The following DNAJC5 variants were observed in gnomAD, a reference collection of about 807,000 sequenced individuals.
DNAJC5 encodes the protein dnaJ homolog subfamily C member 5.
In DNAJC5, 1 loss-of-function variant was observed where a neutral mutation model predicts 23.2. The observed-to-expected ratio is 0.04, with a 90% CI of 0.02 to 0.20. The LOEUF is 0.20. Ranked by LOEUF, DNAJC5 falls within the 10% of genes least tolerant of loss-of-function variation. DNAJC5 has a pLI of 1.00. For missense variants in DNAJC5, 180 were observed against 267.0 expected, an observed-to-expected ratio of 0.67 and a Z score of 2.27; for synonymous variants, 136 against 120.0, an observed-to-expected ratio of 1.13 and a Z score of -0.87.
At chr20:63,909,295 C>G (rs952707346) in intron 1 of DNAJC5, among the ~76,000 whole-genome samples, 28 of 150,438 alleles carry the variant, frequency 1.9e-4, no homozygotes, top group Admixed American at 3.3e-4. Flanking sequence ...GTCAGGAGAT[C>G]GATACATCCT....
chr20:63,902,043 A>T (rs1276168741), intron 1 of DNAJC5, among the ~76,000 whole-genome samples: 1 of 152,088 alleles, frequency 6.6e-6, no homozygotes, highest in African/African-American at 2.4e-5. Flanking sequence ...TGTGTTCTTT[A>T]AAATAATAAT....
At chr20:63,921,355 G>T (rs910011066) in intron 1 of DNAJC5, among the ~76,000 whole-genome samples, 2 of 152,092 alleles carry the variant, frequency 1.3e-5, no homozygotes, top group Non-Finnish European at 2.9e-5. Context: ...ACTTTGGGAG[G>T]CCGAGGCTGG....
intron 1 of DNAJC5, among the ~76,000 whole-genome samples, chr20:63,915,282 C>T (rs1162795166): frequency 1.3e-5 from 2 of 152,136 alleles, no homozygotes; most frequent in Non-Finnish European, 2.9e-5. Flanking sequence ...TTGAGAGATT[C>T]AGAAAGCTGT....
chr20:63,911,619 A>G (rs909206146), intron 1 of DNAJC5, among the ~76,000 whole-genome samples: 8 of 151,754 alleles, frequency 5.3e-5, no homozygotes, highest in African/African-American at 1.5e-4. Flanking sequence ...TATTCTTAGA[A>G]TTAAGGAGGA....
chr20:63,921,862 T>A (rs1178526899), intron 1 of DNAJC5, among the ~76,000 whole-genome samples: 4 of 151,808 alleles, frequency 2.6e-5, no homozygotes, highest in Non-Finnish European at 5.9e-5. Flanking sequence ...CACTGCAACC[T>A]CCTCCTCCCG....
chr20:63,926,685 G>T (rs7272419), intron 1 of DNAJC5, among the ~76,000 whole-genome samples: 1 of 152,184 alleles, frequency 6.6e-6, no homozygotes, highest in Non-Finnish European at 1.5e-5. Flanking sequence ...GCTGGCAGGC[G>T]AGAAGGAAAA....
At chr20:63,897,029 G>A (rs1254075630) in intron 1 of DNAJC5, among the ~76,000 whole-genome samples, 1 of 152,186 alleles carries the variant, frequency 6.6e-6, no homozygotes, top group African/African-American at 2.4e-5. Context: ...GCTTGGAAGG[G>A]TGCATGGGAC....
chr20:63,906,229 G>A (rs2053447665), intron 1 of DNAJC5, among the ~76,000 whole-genome samples: 1 of 151,880 alleles, frequency 6.6e-6, no homozygotes, highest in South Asian at 2.1e-4. Flanking sequence ...GCTCACACCT[G>A]TAATCCCACC....
At position 63,920,118 on chromosome 20, in the gene DNAJC5, C is replaced by G. The variant is rs1270236541; in HGVS notation, c.-11-8217C>G. Among the ~76,000 whole-genome samples the G allele has an allele frequency of 3.8e-5, 5 of 131,736 alleles. No individual in the cohort carries two copies. The highest frequency in any genetic ancestry group is 1.5e-4 in the African/African-American group (5 of 33,704). 86.4% of individuals were successfully genotyped at this position (131,736 alleles called of 152,430 possible). On this transcript the variant is annotated intron_variant, in intron 1 of 4. Coordinates refer to ENST00000360864, the MANE Select transcript of DNAJC5 (RefSeq NM_025219.3). This position sits in a 1 kb window ranked among gnomAD's most constrained non-coding sequence, Gnocchi z 4.6. ...GTGGACATGTGCCCAGGGCCCGGGA[C>G]AGCGCCACGGAAGAGGACGCACAGG...
At chr20:63,924,772 G>A (rs1328580258) in intron 1 of DNAJC5, among the ~76,000 whole-genome samples, 1 of 152,212 alleles carries the variant, frequency 6.6e-6, no homozygotes, top group Non-Finnish European at 1.5e-5. Flanking sequence ...CTGGGAGGCG[G>A]AGGTTGCAGT....
rs1440934316 is a variant in DNAJC5 at position 63,935,134 on chromosome 20, A to C, written c.*3566A>C. The C allele has an allele frequency of 1.3e-5, 2 of 152,284 alleles. No homozygotes were observed. Among genetic ancestry groups the C allele is most frequent in the Non-Finnish European group, 2.9e-5 (2 of 68,090 alleles). 9.4% of individuals were successfully genotyped at this position (152,284 alleles called of 1,614,324 possible). A position where few individuals can be genotyped will look rare whatever the true frequency, so the allele number is the denominator to read the frequency against. On this transcript the variant is annotated 3_prime_UTR_variant, in exon 5 of 5. Coordinates refer to ENST00000360864, the MANE Select transcript of DNAJC5 (RefSeq NM_025219.3). ...CAAAAGCTACATTTTTACTGTCCTT[A>C]CCAGCAACAGTTTGCGTCGTCACAT...
intron 1 of DNAJC5, among the ~76,000 whole-genome samples, chr20:63,909,388 A>T (rs1404035237): frequency 6.6e-6 from 1 of 151,970 alleles, no homozygotes. Flanking sequence ...CTGTAGTCCC[A>T]GCTACTCGGG....
chr20:63,917,603 T>C (rs990753907), intron 1 of DNAJC5, among the ~76,000 whole-genome samples: 4 of 152,052 alleles, frequency 2.6e-5, no homozygotes, highest in Non-Finnish European at 4.4e-5. Context: ...TCGCCCAGGC[T>C]GGAGTGCAGT....
intron 1 of DNAJC5, among the ~76,000 whole-genome samples, chr20:63,921,768 A>G (rs936240336): frequency 6.6e-6 from 1 of 151,550 alleles, no homozygotes; most frequent in Non-Finnish European, 1.5e-5. Context: ...TTCTGTTGAC[A>G]TGGGATCCCC....
chr20:63,931,681 G>T lies in DNAJC5; in HGVS notation c.*113G>T. The T allele has an allele frequency of 8.4e-7, 1 of 1,189,562 alleles. No individual in the cohort carries two copies. The highest frequency in any genetic ancestry group is 1.2e-6 in the Non-Finnish European group (1 of 831,288). 73.7% of individuals were successfully genotyped at this position (1,189,562 alleles called of 1,614,324 possible). The stretch of plus-strand genomic sequence containing the variant: ...GCAGCCTCCTGCCTGCCCTGGCCTT[G>T]CTGGGGCCCCTCCTGCCTCCACGCC... On this transcript the variant is annotated 3_prime_UTR_variant, in exon 5 of 5. Transcript: ENST00000360864. This position sits in a 1 kb window ranked among gnomAD's most constrained non-coding sequence, Gnocchi z 9.6.
In DNAJC5 at chr20:63,929,448, C is replaced by T. The variant is rs1168791937; in HGVS notation, c.244C>T (p.Leu82=). 2 of 1,614,180 alleles carry T rather than the reference C, an allele frequency of 1.2e-6. No individual in the cohort carries two copies. Among genetic ancestry groups the T allele is most frequent in the Non-Finnish European group, 1.7e-6 (2 of 1,180,038 alleles). The change falls in exon 3 of 5, where the codon CTG becomes TTG. Residue 82 remains leucine (L), a synonymous_variant. Coordinates refer to ENST00000360864, the MANE Select transcript of DNAJC5 (RefSeq NM_025219.3). This position sits in a 1 kb window ranked among gnomAD's most constrained non-coding sequence, Gnocchi z 8.6. ...KRNIYDKYGS[L]GLYVAEQFGE... ...GAACATCTACGACAAGTACGGCTCG[C>T]TGGGTCTCTACGTGGCCGAGCAGTT...
chr20:63,926,526 G>A (rs2053617589), intron 1 of DNAJC5, among the ~76,000 whole-genome samples: 1 of 152,244 alleles, frequency 6.6e-6, no homozygotes, highest in Admixed American at 6.5e-5. Flanking sequence ...GCCATTATCT[G>A]TGTCTCTTTC....
chr20:63,912,233 G>A (rs1242853436), intron 1 of DNAJC5, among the ~76,000 whole-genome samples: 1 of 151,712 alleles, frequency 6.6e-6, no homozygotes, highest in Non-Finnish European at 1.5e-5. Context: ...AACCCGGGAG[G>A]CGGAGGTTGC....
At chr20:63,899,873 G>C (rs1020043412) in intron 1 of DNAJC5, among the ~76,000 whole-genome samples, 2 of 144,874 alleles carry the variant, frequency 1.4e-5, no homozygotes, top group Non-Finnish European at 3.0e-5. Context: ...GAGCCACTGC[G>C]CCTGGGCTTT....
Sources: allele counts gnomAD v4.1 joint callset (sites outside exome capture counted in the v4.1 genomes callset), GRCh38; gene constraint gnomAD v4.1.1; non-coding constraint Gnocchi (gnomAD v3.1); transcripts MANE v1.5; gene names NCBI Gene and HGNC (gene_info 2026-07-23, HGNC 2026-07-21).